Variants in CAMTA1 observed in about 807,000 individuals in gnomAD.
CAMTA1 encodes the protein calmodulin-binding transcription activator 1.
Under a neutral mutation model 170.9 loss-of-function variants are expected in CAMTA1, and 27 were observed. The ratio of observed to expected loss-of-function variants is 0.16; its 90% confidence interval spans 0.12 to 0.22. CAMTA1 has a LOEUF of 0.22. Ranked by LOEUF, CAMTA1 falls within the 10% of genes least tolerant of loss-of-function variation. The pLI is 1.00. For missense variants in CAMTA1, 1,619 were observed against 2,217.2 expected, an observed-to-expected ratio of 0.73 and a Z score of 5.42; for synonymous variants, 833 against 891.5, an observed-to-expected ratio of 0.93 and a Z score of 1.17.
In CAMTA1 at chr1:6,924,069, C is replaced by T. The variant is rs552216098; in HGVS notation, c.234+98859C>T. ...AGGCTTACCCAGAGTCAGTAAGAGA[C>T]TGTTAGGAACGCAGGCTGAGCCTGG... On this transcript the variant is annotated intron_variant, in intron 3 of 22. Coordinates refer to ENST00000303635, the MANE Select transcript of CAMTA1 (RefSeq NM_015215.4). Among the ~76,000 whole-genome samples, 7 of 152,308 alleles carry T rather than the reference C, an allele frequency of 4.6e-5. No individual in the cohort carries two copies. In the East Asian group the frequency reaches 1.3e-3, roughly 29 times the overall value.
intron 4 of CAMTA1, among the ~76,000 whole-genome samples, chr1:7,226,245 C>T (rs1326822802): frequency 2.6e-5 from 4 of 152,094 alleles, no homozygotes; most frequent in Non-Finnish European, 4.4e-5. Flanking sequence ...CTCAAATTCC[C>T]GCCCCGCCAC....
intron 1 of CAMTA1, among the ~76,000 whole-genome samples, chr1:6,807,646 G>A (rs1033424331): frequency 6.6e-6 from 1 of 151,720 alleles, no homozygotes; most frequent in African/African-American, 2.4e-5. Context: ...CTTGAATCCA[G>A]GAGGCGGAGG....
chr1:7,552,560 C>G (rs2094817507), intron 6 of CAMTA1, among the ~76,000 whole-genome samples: 1 of 152,246 alleles, frequency 6.6e-6, no homozygotes, highest in Non-Finnish European at 1.5e-5. Flanking sequence ...GGAGGAAGTC[C>G]AGAAGCTGGC....
chr1:7,699,223 C>CA (rs1375960711), intron 11 of CAMTA1, among the ~76,000 whole-genome samples: 3 of 152,142 alleles, frequency 2.0e-5, no homozygotes, highest in Admixed American at 2.0e-4. Context: ...AATTTTAGAA[C>CA]ATTTTCATCC....
intron 5 of CAMTA1, among the ~76,000 whole-genome samples, chr1:7,432,488 A>G (rs999281160): frequency 3.3e-5 from 5 of 152,250 alleles, no homozygotes; most frequent in African/African-American, 9.6e-5. Flanking sequence ...AGACCATTCT[A>G]TGCAGCAGAA....
At chr1:7,430,925 A>G (rs1327903629) in intron 5 of CAMTA1, among the ~76,000 whole-genome samples, 1 of 152,274 alleles carries the variant, frequency 6.6e-6, no homozygotes, top group Non-Finnish European at 1.5e-5. Flanking sequence ...CATTCTCATT[A>G]TATTCCCTTT....
At chr1:7,233,692 C>T (rs1035637900) in intron 4 of CAMTA1, among the ~76,000 whole-genome samples, 5 of 152,154 alleles carry the variant, frequency 3.3e-5, no homozygotes, top group African/African-American at 1.2e-4. Flanking sequence ...TGCTTCAAAA[C>T]CTCCAGTTGC....
chr1:7,757,370 C>A (rs953097670), intron 22 of CAMTA1, among the ~76,000 whole-genome samples: 4 of 152,180 alleles, frequency 2.6e-5, no homozygotes, highest in African/African-American at 4.8e-5. Context: ...CAAATAGATA[C>A]TGGACTAGAT....
intron 5 of CAMTA1, among the ~76,000 whole-genome samples, chr1:7,365,576 G>A (rs866659445): frequency 2.6e-5 from 4 of 152,140 alleles, no homozygotes; most frequent in African/African-American, 7.2e-5. Context: ...GAGAGTGAGC[G>A]CAGCTCTGCA....
At chr1:6,806,428 C>T (rs1027436499) in intron 1 of CAMTA1, among the ~76,000 whole-genome samples, 2 of 152,180 alleles carry the variant, frequency 1.3e-5, no homozygotes, top group Non-Finnish European at 2.9e-5. Flanking sequence ...GGATTATATT[C>T]AATCTGAGGA....
rs189435001 is a variant in CAMTA1 at position 6,912,495 on chromosome 1, A to G, written c.234+87285A>G. Among the ~76,000 whole-genome samples, 292 of 152,302 alleles carry G rather than the reference A, an allele frequency of 1.9e-3. 1 individual carries two copies. Among genetic ancestry groups the G allele is most frequent in the African/African-American group, 6.8e-3 (281 of 41,562 alleles). ...CTGGATTTTAGTCTGTCTTTACATA[A>G]AGAGCCCCGGGGAATTAACATTTCT... is the stretch of plus-strand genomic sequence containing the variant. On this transcript the variant is annotated intron_variant, in intron 3 of 22. Transcript: ENST00000303635.
Position 7,041,778 on chromosome 1 carries a change from G to A in CAMTA1, c.235-49526G>A, listed in dbSNP as rs1378288405. ...GAATTCCAAAGAATATCAGGAGAGC[G>A]AACCAGTCTGTCTTCATATTCAAAA... On this transcript the variant is annotated intron_variant, in intron 3 of 22. Transcript: ENST00000303635. The surrounding 1 kb of genome is among the most constrained non-coding windows in gnomAD (Gnocchi z 5.1). Among the ~76,000 whole-genome samples the A allele has an allele frequency of 2.6e-5, 4 of 152,218 alleles. No individual in the cohort carries two copies. The highest frequency in any genetic ancestry group is 1.9e-4 in the East Asian group (1 of 5,202).
At chr1:6,861,951 A>G (rs1022382804) in intron 3 of CAMTA1, among the ~76,000 whole-genome samples, 1 of 151,250 alleles carries the variant, frequency 6.6e-6, no homozygotes, top group Non-Finnish European at 1.5e-5. Context: ...AAGTGAAGTC[A>G]TATAGTATTT....
chr1:7,569,995 GT>G (rs1188105672), intron 6 of CAMTA1, among the ~76,000 whole-genome samples: 6 of 152,306 alleles, frequency 3.9e-5, no homozygotes, highest in Middle Eastern at 3.4e-3. Flanking sequence ...AGTGGAAAAG[GT>G]TCTAAAATCA....
intron 3 of CAMTA1, among the ~76,000 whole-genome samples, chr1:7,088,090 T>C (rs1474932477): frequency 6.6e-6 from 1 of 152,186 alleles, no homozygotes; most frequent in East Asian, 1.9e-4. Context: ...GCCAGGTTCA[T>C]GCAGCAGCAT....
chr1:7,047,721 C>CTCTT (rs1190535170), intron 3 of CAMTA1, among the ~76,000 whole-genome samples: 3 of 129,510 alleles, frequency 2.3e-5, no homozygotes, highest in African/African-American at 9.9e-5. Flanking sequence ...CTCTCTCTCT[C>CTCTT]TTTTTTTTTT....
intron 5 of CAMTA1, among the ~76,000 whole-genome samples, chr1:7,301,406 C>A (rs1358543949): frequency 6.6e-6 from 1 of 152,190 alleles, no homozygotes; most frequent in Admixed American, 6.5e-5. Context: ...CTCTGTTGAT[C>A]AACTTCCTTG....
chr1:7,124,946 A>G (rs1196692104), intron 4 of CAMTA1, among the ~76,000 whole-genome samples: 1 of 152,168 alleles, frequency 6.6e-6, no homozygotes, highest in Non-Finnish European at 1.5e-5. Context: ...TGTCGGGGGA[A>G]GTTTTCCCAG....
intron 3 of CAMTA1, among the ~76,000 whole-genome samples, chr1:6,901,106 G>A (rs1676840421): frequency 6.6e-6 from 1 of 152,218 alleles, no homozygotes; most frequent in Non-Finnish European, 1.5e-5. Context: ...ATGCTCAATT[G>A]GTTTTTGACA....
Sources: allele counts gnomAD v4.1 joint callset (sites outside exome capture counted in the v4.1 genomes callset), GRCh38; gene constraint gnomAD v4.1.1; non-coding constraint Gnocchi (gnomAD v3.1); transcripts MANE v1.5; gene names NCBI Gene and HGNC (gene_info 2026-07-23, HGNC 2026-07-21).